The following SVOPL variants were observed in gnomAD, a reference collection of about 807,000 sequenced individuals.
SVOPL encodes SVOP like, also known as putative transporter SVOPL.
Under a neutral mutation model 61.0 loss-of-function variants are expected in SVOPL, and 60 were observed. The ratio of observed to expected loss-of-function variants is 0.98; its 90% CI spans 0.80 to 1.22. The LOEUF (loss-of-function observed/expected upper bound fraction) is 1.22. Ranked by LOEUF, SVOPL falls within the 50% of genes most tolerant of loss-of-function variation. SVOPL has a pLI of 0.00. For synonymous variants in SVOPL, 279 were observed against 250.0 expected (o/e 1.12, Z -1.09); for missense variants, 662 against 643.9 (o/e 1.03, Z -0.30).
intron 9 of SVOPL, among the ~76,000 whole-genome samples, chr7:138,641,121 C>T (rs1800759018): frequency 6.6e-6 from 1 of 151,646 alleles, no homozygotes; most frequent in African/African-American, 2.4e-5. Context: ...GAGGATCGAG[C>T]CTGGAAGGTC....
chr7:138,611,303 A>C (rs1392564474), intron 14 of SVOPL, among the ~76,000 whole-genome samples: 1 of 152,112 alleles, frequency 6.6e-6, no homozygotes, highest in Non-Finnish European at 1.5e-5. Flanking sequence ...GCTTGAACCC[A>C]GGAGGCAGAG....
intron 5 of SVOPL, chr7:138,662,829 C>G: frequency 1.5e-6 from 2 of 1,329,462 alleles, no homozygotes; most frequent in Middle Eastern, 2.9e-4. Context: ...TTTCTTAGAA[C>G]TCTATAATAC....
intron 9 of SVOPL, among the ~76,000 whole-genome samples, chr7:138,639,612 T>C (rs1201192456): frequency 7.1e-5 from 8 of 111,958 alleles, no homozygotes; most frequent in African/African-American, 2.4e-4. Flanking sequence ...AGAGGGAGAC[T>C]CCGTCTCAAA....
At chr7:138,661,912 C>A (rs183516258) in intron 5 of SVOPL, 1 of 985,300 alleles carries the variant, frequency 1.0e-6, no homozygotes, top group East Asian at 1.1e-4. Context: ...GCATAGCTGG[C>A]AAGGTTCAGA....
chr7:138,662,055 T>C, intron 5 of SVOPL: 1 of 985,482 alleles, frequency 1.0e-6, no homozygotes, highest in Non-Finnish European at 1.2e-6. Context: ...CTGGCCCTCC[T>C]TTCCTTTAGG....
chr7:138,606,875 AC>A (rs1798781108), intron 14 of SVOPL, among the ~76,000 whole-genome samples: 1 of 151,942 alleles, frequency 6.6e-6, no homozygotes, highest in Non-Finnish European at 1.5e-5. Context: ...AATTGCTTGA[AC>A]CCAGGAGGCA....
rs796538644 is a variant in SVOPL, at chr7:138,622,030, C to G, written c.1264-895G>C. 5.2e-4 allele frequency among the ~76,000 whole-genome samples: 50 copies of G among 96,924 alleles called. 2 individuals are homozygous for G. Among genetic ancestry groups the G allele is most frequent in the African/African-American group, 1.4e-3 (34 of 24,270 alleles). The allele number at this position is 96,924 out of a possible 152,430, so 63.6% of individuals were successfully genotyped here. ...TGTATCTATCTATGTATCTATCTAT[C>G]TATCTATGTATCTATCTATCTATGT... On this transcript the variant is annotated intron_variant, in intron 13 of 15. Coordinates refer to ENST00000674285, the MANE Select transcript of SVOPL (RefSeq NM_001139456.2).
At chr7:138,694,435 G>C (rs1803022951) in intron 1 of SVOPL, among the ~76,000 whole-genome samples, 1 of 151,916 alleles carries the variant, frequency 6.6e-6, no homozygotes, top group South Asian at 2.1e-4. Flanking sequence ...TAGTAGAGAT[G>C]GGGTTTCACC....
chr7:138,622,489 C>G (rs549444256), intron 13 of SVOPL, among the ~76,000 whole-genome samples: 1 of 87,088 alleles, frequency 1.1e-5, no homozygotes, highest in African/African-American at 4.2e-5. Context: ...GAGGCAGCGG[C>G]GGGCGGGGGG....
intron 4 of SVOPL, chr7:138,663,362 C>T (rs760656373): frequency 4.4e-5 from 62 of 1,407,160 alleles, no homozygotes; most frequent in Non-Finnish European, 5.6e-5. Context: ...AGATCCTGCC[C>T]CAGGTGGAAA....
chr7:138,624,693 C>CTT (rs35627200), intron 13 of SVOPL, among the ~76,000 whole-genome samples: 90 of 138,052 alleles, frequency 6.5e-4, no homozygotes, highest in East Asian at 2.0e-3. Context: ...TAGAACCAAA[C>CTT]TTTTTTTTTT....
intron 13 of SVOPL, 26 bp from the exon 14 acceptor site, chr7:138,621,161 C>A (rs1400186320): frequency 1.2e-6 from 2 of 1,604,148 alleles, no homozygotes; most frequent in East Asian, 4.5e-5. Context: ...CGGAAAGTAC[C>A]AGTCAGATAA....
rs778141874 is a variant in SVOPL at position 138,659,933 on chromosome 7, G to A, written c.401C>T (p.Ala134Val). 5 of 1,551,584 alleles carry A rather than the reference G, an allele frequency of 3.2e-6. No individual in the cohort carries two copies. In the African/African-American group the frequency reaches 4.1e-5, roughly 13 times the overall value. Residue 134 changes from alanine (A) to valine (V), a missense_variant, in exon 6 of 16, where the codon GCT becomes GTT. Coordinates refer to ENST00000674285, the MANE Select transcript of SVOPL (RefSeq NM_001139456.2). ...GAAGACAAACCAGATGTACGAAGGAGCAAACGAGGTCAGCAAGGAGAAATA... is the reference window on the plus strand; with the variant it reads ...GAAGACAAACCAGATGTACGAAGGAACAAACGAGGTCAGCAAGGAGAAATA... Reference protein sequence around the residue: ...GAYFSLLTSFAPSYIWFVFLR... With the variant: ...GAYFSLLTSFVPSYIWFVFLR...
At chr7:138,674,156 C>T (rs964916213) in intron 3 of SVOPL, among the ~76,000 whole-genome samples, 1 of 151,716 alleles carries the variant, frequency 6.6e-6, no homozygotes, top group African/African-American at 2.4e-5. Flanking sequence ...CCACTGCACT[C>T]CAGCCTGAGC....
At chr7:138,697,994 G>GA (rs1803108439) in intron 1 of SVOPL, among the ~76,000 whole-genome samples, 1 of 151,650 alleles carries the variant, frequency 6.6e-6, no homozygotes, top group Admixed American at 6.6e-5. Flanking sequence ...AAGGACAGAG[G>GA]AAGGGAGGAA....
At chr7:138,699,793 G>A (rs549476725) in intron 1 of SVOPL, among the ~76,000 whole-genome samples, 15 of 152,288 alleles carry the variant, frequency 9.8e-5, no homozygotes, top group African/African-American at 2.6e-4. Flanking sequence ...GTCAGCCCTC[G>A]CCCCGCCACC....
At chr7:138,623,501 G>A (rs928077029) in intron 13 of SVOPL, among the ~76,000 whole-genome samples, 21 of 152,118 alleles carry the variant, frequency 1.4e-4, no homozygotes, top group African/African-American at 9.7e-5. Context: ...TCAGGAGGCT[G>A]AGGCAGGAGA....
At chr7:138,678,314 T>C in intron 3 of SVOPL, 120 bp downstream of exon 3, 1 of 1,052,564 alleles carries the variant, frequency 9.5e-7, no homozygotes, top group Non-Finnish European at 1.3e-6. Flanking sequence ...GCACACGTTC[T>C]CAGGACCTCC....
chr7:138,605,220 A>G (rs924174312), intron 14 of SVOPL, among the ~76,000 whole-genome samples: 12 of 151,854 alleles, frequency 7.9e-5, no homozygotes, highest in African/African-American at 1.4e-4. Context: ...GATAAAACTA[A>G]GAGAAACAAC....
Sources: allele counts gnomAD v4.1 joint callset (sites outside exome capture counted in the v4.1 genomes callset), GRCh38; gene constraint gnomAD v4.1.1; transcripts MANE v1.5; gene names NCBI Gene and HGNC (gene_info 2026-07-23, HGNC 2026-07-21).